Variants in NCK1 observed in about 807,000 individuals in gnomAD.
The protein encoded by NCK1 is NCK adaptor protein 1.
Under a neutral mutation model 36.6 loss-of-function variants are expected in NCK1, and 19 were observed. The observed-to-expected ratio is 0.52, with a 90% CI of 0.36 to 0.76. The LOEUF is 0.76. NCK1 is among the 30% of genes least tolerant of loss of function. The probability of loss-of-function intolerance (pLI) is 0.00; values close to 1 mark genes in which losing one functional copy is unlikely to be tolerated. For synonymous variants in NCK1, 165 were observed against 156.0 expected, an observed-to-expected ratio of 1.06 and a Z score of -0.43; for missense variants, 358 against 445.6, an observed-to-expected ratio of 0.80 and a Z score of 1.77.
chr3:136,878,556 A>G (rs1938838669), intron 1 of NCK1, among the ~76,000 whole-genome samples: 1 of 151,912 alleles, frequency 6.6e-6, no homozygotes, highest in South Asian at 2.1e-4. Context: ...ATGGGAAGTG[A>G]CTCTAGGGTA....
chr3:136,946,517 C>T (rs1940831388), intron 3 of NCK1, among the ~76,000 whole-genome samples: 3 of 152,118 alleles, frequency 2.0e-5, no homozygotes, highest in South Asian at 2.1e-4. Context: ...TGAATTATTT[C>T]GTCTTGTCTA....
intron 1 of NCK1, among the ~76,000 whole-genome samples, chr3:136,901,779 A>C (rs1939547677): frequency 6.6e-6 from 1 of 152,008 alleles, no homozygotes; most frequent in African/African-American, 2.4e-5. Context: ...TATGTTGATT[A>C]GTCTAGCAAG....
intron 2 of NCK1, among the ~76,000 whole-genome samples, chr3:136,938,134 A>G (rs141606899): frequency 7.0e-4 from 107 of 152,308 alleles, no homozygotes; most frequent in Middle Eastern, 3.4e-3. Context: ...ATTTTGTCCA[A>G]TACTTTTTCT....
intron 1 of NCK1, among the ~76,000 whole-genome samples, chr3:136,868,004 G>T (rs1189914521): frequency 6.6e-6 from 1 of 151,660 alleles, no homozygotes; most frequent in Non-Finnish European, 1.5e-5. Flanking sequence ...TGCAACCTCC[G>T]CCTCTCGGGT....
chr3:136,948,015 C>T (rs1940872623), intron 3 of NCK1, among the ~76,000 whole-genome samples: 1 of 151,964 alleles, frequency 6.6e-6, no homozygotes, highest in Non-Finnish European at 1.5e-5. Flanking sequence ...AGGTTTGAAT[C>T]CTGGCTCTGT....
At chr3:136,946,852 T>C (rs1940842190) in intron 3 of NCK1, 1 of 152,466 alleles carries the variant, frequency 6.6e-6, no homozygotes, top group Non-Finnish European at 1.5e-5. Flanking sequence ...AGATAAATTA[T>C]ATTGCAATAC....
At chr3:136,910,745 A>G (rs1018796969) in intron 1 of NCK1, among the ~76,000 whole-genome samples, 4 of 152,214 alleles carry the variant, frequency 2.6e-5, no homozygotes, top group African/African-American at 9.6e-5. Flanking sequence ...CAAGCTAATT[A>G]ACATATCCAT....
rs1273698539 is a variant in NCK1 at position 136,927,994 on chromosome 3, G to A, written c.-8G>A. On this transcript the variant is annotated 5_prime_UTR_variant, in exon 2 of 4. Transcript: ENST00000481752. ...TCCATGTGTTTACAGTGCTGAAGCT[G>A]CTGAAAGATGGCAGAAGAAGTGGTG... 2 of 1,601,936 alleles carry A rather than the reference G, an allele frequency of 1.2e-6. No homozygotes were observed. Among genetic ancestry groups the A allele is most frequent in the Non-Finnish European group, 1.7e-6 (2 of 1,168,950 alleles).
chr3:136,900,062 C>A, intron 1 of NCK1: 1 of 549,774 alleles, frequency 1.8e-6, no homozygotes. Flanking sequence ...TCTTACATCT[C>A]ACAGGCTGCA....
chr3:136,864,222 G>A (rs1938343320), intron 1 of NCK1, among the ~76,000 whole-genome samples: 1 of 152,072 alleles, frequency 6.6e-6, no homozygotes. Flanking sequence ...GCCGGGCTCG[G>A]TGGCTCACGC....
rs529110316 is a variant in NCK1, at chr3:136,871,282, C to T, written c.-19+8929C>T. Among the ~76,000 whole-genome samples the T allele has an allele frequency of 1.3e-4, 20 of 151,954 alleles. No homozygotes were observed. The East Asian group carries it at 3.3e-3, about 25-fold the overall frequency. On this transcript the variant is annotated intron_variant, in intron 1 of 3. Transcript: ENST00000481752. Reference sequence around the variant, plus strand: ...AGGTTTGGCTGTGAGCGTCTGTAGTCCTAGCTACTTGCAAGGCTGGCGGGA... The same window carrying T: ...AGGTTTGGCTGTGAGCGTCTGTAGTTCTAGCTACTTGCAAGGCTGGCGGGA...
chr3:136,912,165 T>TTTC (rs977912720), intron 1 of NCK1, among the ~76,000 whole-genome samples: 5 of 83,778 alleles, frequency 6.0e-5, no homozygotes, highest in African/African-American at 1.4e-4. Context: ...ATTTTTTCTT[T>TTTC]TTTTTTTTTT....
rs576415071 is a variant in NCK1, at chr3:136,874,459, C to T, written c.-19+12106C>T. On this transcript the variant is annotated intron_variant, in intron 1 of 3. Transcript: ENST00000481752. ...CCACCCAAAGTGCTGGGATTACAGG[C>T]GTGAGCCACCACGCCCGGCCCGTTT... is the stretch of plus-strand genomic sequence containing the variant. Among the ~76,000 whole-genome samples, 30 of 152,310 alleles carry T rather than the reference C, an allele frequency of 2.0e-4. No individual in the cohort carries two copies. In the South Asian group the frequency reaches 4.4e-3, roughly 22 times the overall value.
chr3:136,893,906 G>A (rs1327170935), intron 1 of NCK1, among the ~76,000 whole-genome samples: 1 of 152,142 alleles, frequency 6.6e-6, no homozygotes, highest in Non-Finnish European at 1.5e-5. Flanking sequence ...ATTTAAGCTG[G>A]TTTAAGTTGC....
At chr3:136,894,711 C>T (rs923070813) in intron 1 of NCK1, among the ~76,000 whole-genome samples, 19 of 152,132 alleles carry the variant, frequency 1.2e-4, no homozygotes, top group African/African-American at 4.6e-4. Context: ...ATCCTACTTC[C>T]CCTGGAATGC....
Position 136,928,027 on chromosome 3 carries a change from C to A in NCK1, c.26C>A (p.Ala9Asp). The A allele has an allele frequency of 6.2e-7, 1 of 1,613,974 alleles. No individual in the cohort carries two copies. The highest frequency in any genetic ancestry group is 8.5e-7 in the Non-Finnish European group (1 of 1,179,964). Reference sequence around the variant, plus strand: ...ATGGCAGAAGAAGTGGTGGTAGTAGCCAAATTTGATTATGTGGCCCAACAA... The same window carrying A: ...ATGGCAGAAGAAGTGGTGGTAGTAGACAAATTTGATTATGTGGCCCAACAA... MAEEVVVV[A>D]KFDYVAQQEQ... The change falls in exon 2 of 4, where the codon GCC becomes GAC. Residue 9 changes from alanine to aspartate, a missense_variant. Physicochemically the swap from Ala to Asp is moderately radical, Grantham distance 126 (BLOSUM62 -2). This residue lies in a region of NCK1 where 143 missense variants were observed against 162.4 expected (regional missense o/e 0.88). Transcript: ENST00000481752.
intron 1 of NCK1, chr3:136,899,155 G>C (rs1576962279): frequency 4.9e-6 from 1 of 205,952 alleles, no homozygotes; most frequent in East Asian, 1.3e-4. Context: ...AGACTTCATG[G>C]ACACTCCTGC....
chr3:136,935,174 TAC>T (rs1333018712), intron 2 of NCK1, among the ~76,000 whole-genome samples: 1 of 152,190 alleles, frequency 6.6e-6, no homozygotes, highest in Admixed American at 6.5e-5. Flanking sequence ...ATGCTGGGAT[TAC>T]AGTGTGAGCC....
intron 1 of NCK1, among the ~76,000 whole-genome samples, chr3:136,898,873 C>T (rs1024735141): frequency 2.6e-5 from 4 of 152,172 alleles, no homozygotes; most frequent in Non-Finnish European, 5.9e-5. Context: ...GAAGATAATT[C>T]TTACAAAGCT....
Sources: gnomAD v4.1 joint callset for allele counts (sites outside exome capture counted in the v4.1 genomes callset) on GRCh38, gnomAD v4.1.1 for gene constraint, gnomAD v4.1.1 regional missense constraint, MANE v1.5 for transcripts, NCBI Gene and HGNC (gene_info 2026-07-23, HGNC 2026-07-21) for gene names.